The following RAB11FIP3 variants were observed in gnomAD, a reference collection of about 807,000 sequenced individuals.
RAB11FIP3 encodes RAB11 family interacting protein 3, also known as rab11 family-interacting protein 3.
RAB11FIP3 carries 17 observed loss-of-function variants against 77.8 expected under a neutral mutation model. That is an observed-to-expected ratio of 0.22 (90% confidence interval 0.15 to 0.33). The LOEUF (loss-of-function observed/expected upper bound fraction) is 0.33, where lower values mean the gene tolerates loss of function less well. RAB11FIP3 is among the 10% of genes least tolerant of loss of function. RAB11FIP3 has a pLI of 1.00. For synonymous variants in RAB11FIP3, 437 were observed against 448.2 expected, an observed-to-expected ratio of 0.98 and a Z score of 0.31; for missense variants, 1,005 against 1,011.2, an observed-to-expected ratio of 0.99 and a Z score of 0.08.
intron 2 of RAB11FIP3, among the ~76,000 whole-genome samples, chr16:469,901 A>G (rs1240665472): frequency 2.6e-5 from 4 of 152,126 alleles, no homozygotes; most frequent in Admixed American, 2.0e-4. Flanking sequence ...GTCTTGGCCA[A>G]CTGCATCCTC....
At chr16:498,789 G>A (rs1457838358) in intron 6 of RAB11FIP3, among the ~76,000 whole-genome samples, 1 of 152,120 alleles carries the variant, frequency 6.6e-6, no homozygotes, top group African/African-American at 2.4e-5. Context: ...ACAGGCAGGA[G>A]CCACCGCGTC....
At chr16:496,795 T>C in intron 5 of RAB11FIP3, 29 bp from the exon 6 acceptor site, 1 of 1,567,890 alleles carries the variant, frequency 6.4e-7, no homozygotes, top group Non-Finnish European at 8.8e-7. Context: ...GTTCTAACAA[T>C]TTTCCTGTTT....
In RAB11FIP3 at chr16:471,421, A is replaced by G; in HGVS notation, c.903+32A>G. On this transcript the variant is annotated intron_variant, in intron 3 of 13. Coordinates refer to ENST00000262305, the MANE Select transcript of RAB11FIP3 (RefSeq NM_014700.4). The surrounding 1 kb of genome is among the most constrained non-coding windows in gnomAD (Gnocchi z 4.4). ...GGTTTTCACCCAGGAGCTTGGGGGAAGTCTGGCATCCACCTCTTCCTTTAT... is the reference window on the plus strand; with the variant it reads ...GGTTTTCACCCAGGAGCTTGGGGGAGGTCTGGCATCCACCTCTTCCTTTAT... The G allele has an allele frequency of 6.6e-7, 1 of 1,525,422 alleles. No individual in the cohort carries two copies. Among genetic ancestry groups the G allele is most frequent in the East Asian group, 2.3e-5 (1 of 43,248 alleles). 94.5% of individuals were successfully genotyped at this position (1,525,422 alleles called of 1,614,324 possible).
At chr16:503,205 G>A in intron 7 of RAB11FIP3, 108 bp downstream of exon 7, 4 of 822,956 alleles carry the variant, frequency 4.9e-6, no homozygotes, top group South Asian at 1.8e-5. Flanking sequence ...AGCCGGAGGT[G>A]ACCCCATGTC....
chr16:467,462 CAG>C (rs2055722972), intron 2 of RAB11FIP3, among the ~76,000 whole-genome samples: 1 of 131,218 alleles, frequency 7.6e-6, no homozygotes, highest in Admixed American at 7.7e-5. Flanking sequence ...GCAGGGGCCT[CAG>C]GGAGGAGGTG....
intron 6 of RAB11FIP3, among the ~76,000 whole-genome samples, chr16:501,317 G>T (rs1421054146): frequency 1.3e-5 from 2 of 151,906 alleles, no homozygotes; most frequent in Admixed American, 1.3e-4. Context: ...CTGGGAGAGG[G>T]TCCCCCCATT....
intron 3 of RAB11FIP3, among the ~76,000 whole-genome samples, chr16:476,305 T>G (rs2055906784): frequency 6.6e-6 from 1 of 152,198 alleles, no homozygotes; most frequent in African/African-American, 2.4e-5. Context: ...GGAGAATTCT[T>G]TCCATCCCAA....
chr16:427,609 C>T (rs2054971110), intron 1 of RAB11FIP3, among the ~76,000 whole-genome samples: 1 of 152,204 alleles, frequency 6.6e-6, no homozygotes, highest in Non-Finnish European at 1.5e-5. Context: ...TCAAATAATA[C>T]CAGTGCTCAC....
In RAB11FIP3 at chr16:488,957, A is replaced by G; in HGVS notation, c.1222A>G (p.Asn408Asp). The G allele has an allele frequency of 6.2e-7, 1 of 1,614,016 alleles. No homozygotes were observed. The highest frequency in any genetic ancestry group is 1.1e-5 in the South Asian group (1 of 91,070). ...GGAGCTGTCCCCAGAGACCCTATGC[A>G]ACGGGCAGCTGGGCTGCAGTGACCC... ...EAELSPETLC[N>D]GQLGCSDPAF... is the part of the protein sequence containing the mutation. Residue 408 changes from asparagine (N) to aspartate (D), a missense_variant, in exon 5 of 14, where the codon AAC becomes GAC. By Grantham distance (23) the Asn-to-Asp change is conservative (BLOSUM62 1). Coordinates refer to ENST00000262305, the MANE Select transcript of RAB11FIP3 (RefSeq NM_014700.4).
In RAB11FIP3 at chr16:492,482, G is replaced by GCCCTCCCGGGAGACCCGAGGCCGCCCAGA. The variant is rs1596271613; in HGVS notation, c.1265+3482_1265+3483insCCCTCCCGGGAGACCCGAGGCCGCCCAGA. ...CCCGGGGAGACCCGAGGCCGCCCAGGGCCCTCCCGGGAGACCCGAGGCCGC... is the reference window on the plus strand; with the variant it reads ...CCCGGGGAGACCCGAGGCCGCCCAGGCCCTCCCGGGAGACCCGAGGCCGCCCAGAGCCCTCCCGGGAGACCCGAGGCCGC... On this transcript the variant is annotated intron_variant, in intron 5 of 13. Transcript: ENST00000262305. Among the ~76,000 whole-genome samples, 2 of 32,134 alleles carry GCCCTCCCGGGAGACCCGAGGCCGCCCAGA rather than the reference G, an allele frequency of 6.2e-5. 1 individual carries two copies. Among genetic ancestry groups the GCCCTCCCGGGAGACCCGAGGCCGCCCAGA allele is most frequent in the Non-Finnish European group, 1.2e-4 (2 of 16,754 alleles). 21.1% of individuals were successfully genotyped at this position (32,134 alleles called of 152,430 possible). A position where few individuals can be genotyped will look rare whatever the true frequency, so the allele number is the denominator to read the frequency against.
chr16:487,665 G>T (rs1319622927), intron 4 of RAB11FIP3, among the ~76,000 whole-genome samples: 1 of 152,092 alleles, frequency 6.6e-6, no homozygotes, highest in Non-Finnish European at 1.5e-5. Context: ...TGCACAGAAG[G>T]TTCTCCCGAG....
At chr16:432,653 T>TC (rs1330327259) in intron 1 of RAB11FIP3, among the ~76,000 whole-genome samples, 1 of 148,826 alleles carries the variant, frequency 6.7e-6, no homozygotes, top group Admixed American at 6.7e-5. Context: ...AGGCTGGAGT[T>TC]CAGTGGTACG....
chr16:478,269 T>C (rs2055962400), intron 3 of RAB11FIP3, among the ~76,000 whole-genome samples: 1 of 151,744 alleles, frequency 6.6e-6, no homozygotes, highest in Non-Finnish European at 1.5e-5. Flanking sequence ...CTTGGCTCAC[T>C]GCAGCCTCTG....
intron 2 of RAB11FIP3, among the ~76,000 whole-genome samples, chr16:467,544 G>T (rs1485180555): frequency 7.8e-4 from 109 of 139,986 alleles, no homozygotes; most frequent in African/African-American, 2.9e-3. Flanking sequence ...GGAGGTGCAG[G>T]GGCCTCAGGG....
chr16:468,513 C>T (rs555192052), intron 2 of RAB11FIP3, among the ~76,000 whole-genome samples: 5 of 152,052 alleles, frequency 3.3e-5, no homozygotes, highest in Admixed American at 1.3e-4. Flanking sequence ...TCATCCAAAC[C>T]GCACTTCAGC....
intron 1 of RAB11FIP3, chr16:452,261 G>A (rs2141617032): frequency 6.6e-6 from 1 of 151,996 alleles, no homozygotes; most frequent in African/African-American, 2.4e-5. Context: ...CTTGAACCTG[G>A]GTGGCTGATA....
intron 6 of RAB11FIP3, chr16:497,467 A>T (rs959054259): frequency 5.0e-6 from 6 of 1,206,984 alleles, no homozygotes; most frequent in African/African-American, 3.2e-5. Context: ...TTGTGTCTTT[A>T]TCTGCTTTGC....
In RAB11FIP3 at chr16:443,771, A is replaced by G. The variant is rs373060752; in HGVS notation, c.714+17051A>G. Among the ~76,000 whole-genome samples the G allele has an allele frequency of 8.1e-4, 123 of 152,266 alleles. 2 individuals carry two copies. Among genetic ancestry groups the G allele is most frequent in the South Asian group, 6.4e-3 (31 of 4,828 alleles). ...AGTAGAGACGGGGTTTCACCATGTTAGCCAGGATGATCTAGATCTCCTGAC... is the reference window on the plus strand; with the variant it reads ...AGTAGAGACGGGGTTTCACCATGTTGGCCAGGATGATCTAGATCTCCTGAC... On this transcript the variant is annotated intron_variant, in intron 1 of 13. Transcript: ENST00000262305.
At chr16:509,014 G>T (rs904527706) in intron 8 of RAB11FIP3, among the ~76,000 whole-genome samples, 2 of 150,566 alleles carry the variant, frequency 1.3e-5, no homozygotes, top group African/African-American at 2.4e-5. Flanking sequence ...AATGATTCTC[G>T]TGCTTCAGCC....
Sources: gnomAD v4.1 joint callset for allele counts (sites outside exome capture counted in the v4.1 genomes callset) on GRCh38, gnomAD v4.1.1 for gene constraint, Gnocchi (gnomAD v3.1) non-coding constraint, MANE v1.5 for transcripts, NCBI Gene and HGNC (gene_info 2026-07-23, HGNC 2026-07-21) for gene names.